Variants in MGAT5 observed in about 807,000 individuals in gnomAD.
MGAT5 encodes alpha-1,6-mannosylglycoprotein 6-beta-N-acetylglucosaminyltransferase A.
Under a neutral mutation model 94.3 loss-of-function variants are expected in MGAT5, and 30 were observed. That is an observed-to-expected ratio of 0.32 (90% CI 0.24 to 0.43). The LOEUF (loss-of-function observed/expected upper bound fraction) is 0.43. Among genes scored for constraint, MGAT5 ranks in the 20% least tolerant of loss-of-function variants. MGAT5 has a pLI of 1.00. For synonymous variants in MGAT5, 310 were observed against 322.9 expected, an observed-to-expected ratio of 0.96 and a Z score of 0.43; for missense variants, 691 against 905.5, an observed-to-expected ratio of 0.76 and a Z score of 3.04.
chr2:134,355,696 T>C (rs776883629), intron 9 of MGAT5, among the ~76,000 whole-genome samples: 5 of 152,228 alleles, frequency 3.3e-5, no homozygotes, highest in Non-Finnish European at 5.9e-5. Flanking sequence ...GCTCTAAAAT[T>C]GATGACTTGC....
At chr2:134,185,375 T>C (rs917459398) in intron 1 of MGAT5, among the ~76,000 whole-genome samples, 4 of 152,206 alleles carry the variant, frequency 2.6e-5, no homozygotes, top group Non-Finnish European at 5.9e-5. Context: ...GATGAAAGTG[T>C]TCGTGTCTCA....
chr2:134,422,730 A>T, intron 12 of MGAT5, 73 bp from the exon 13 acceptor site: 2 of 1,098,918 alleles, frequency 1.8e-6, no homozygotes, highest in South Asian at 1.3e-5. Context: ...TACCATAAAA[A>T]GCATAGCACT....
intron 1 of MGAT5, among the ~76,000 whole-genome samples, chr2:134,145,453 G>A (rs1354101559): frequency 1.3e-5 from 2 of 152,204 alleles, no homozygotes; most frequent in Non-Finnish European, 2.9e-5. Context: ...GGCCGAGGCA[G>A]GAGAATTGCT....
chr2:134,341,164 C>G (rs1186325907), intron 6 of MGAT5, among the ~76,000 whole-genome samples: 2 of 152,130 alleles, frequency 1.3e-5, no homozygotes, highest in Non-Finnish European at 2.9e-5. Context: ...TGAAGCTACA[C>G]AGTAATTACT....
At chr2:134,386,112 G>C (rs917150947) in intron 10 of MGAT5, among the ~76,000 whole-genome samples, 1 of 152,168 alleles carries the variant, frequency 6.6e-6, no homozygotes, top group Non-Finnish European at 1.5e-5. Context: ...TTGATGCAGA[G>C]TAAAATAATG....
rs185995935 is a variant in MGAT5 at position 134,311,756 on chromosome 2, T to C, written c.407-5773T>C. Among the ~76,000 whole-genome samples, 515 of 140,894 alleles carry C rather than the reference T, an allele frequency of 3.7e-3. 7 individuals carry two copies. Among genetic ancestry groups the C allele is most frequent in the Middle Eastern group, 0.018 (5 of 282 alleles). 92.4% of individuals were successfully genotyped at this position (140,894 alleles called of 152,430 possible). ...AGTGAGGAGTGGTTATTAAAAACTTTGTTTGTAGTAAGTGAATGTTTTATG... is the reference window on the plus strand; with the variant it reads ...AGTGAGGAGTGGTTATTAAAAACTTCGTTTGTAGTAAGTGAATGTTTTATG... On this transcript the variant is annotated intron_variant, in intron 2 of 15. Coordinates refer to ENST00000281923, the MANE Select transcript of MGAT5 (RefSeq NM_002410.5).
At chr2:134,361,034 T>C (rs1383086622) in intron 9 of MGAT5, among the ~76,000 whole-genome samples, 2 of 152,232 alleles carry the variant, frequency 1.3e-5, no homozygotes, top group East Asian at 3.8e-4. Flanking sequence ...CCTGCGTGCA[T>C]GGCGGGCGAC....
chr2:134,416,803 C>T lies in MGAT5; in HGVS notation c.1677+3788C>T, dbSNP rs1444288684. Among the ~76,000 whole-genome samples the T allele has an allele frequency of 9.0e-5, 13 of 144,356 alleles. No individual in the cohort carries two copies. The Admixed American group carries it at 9.1e-4, about 10-fold the overall frequency. 94.7% of individuals were successfully genotyped at this position (144,356 alleles called of 152,430 possible). A position where few individuals can be genotyped will look rare whatever the true frequency, so the allele number is the denominator to read the frequency against. Reference sequence around the variant, plus strand: ...TTTTTTTGCAGAAACAAAGGTCTTACTATGTTGCTTAGGCTGGTCTCCAAC... The same window carrying T: ...TTTTTTTGCAGAAACAAAGGTCTTATTATGTTGCTTAGGCTGGTCTCCAAC... On this transcript the variant is annotated intron_variant, in intron 12 of 15. Transcript: ENST00000281923.
chr2:134,230,949 T>A (rs2105394158), intron 1 of MGAT5, among the ~76,000 whole-genome samples: 1 of 152,320 alleles, frequency 6.6e-6, no homozygotes, highest in South Asian at 2.1e-4. Flanking sequence ...TGGAATATTG[T>A]TTGGCTGTAA....
At chr2:134,413,039 C>T in intron 12 of MGAT5, 24 bp downstream of exon 12, 1 of 1,610,460 alleles carries the variant, frequency 6.2e-7, no homozygotes, top group South Asian at 1.1e-5. Context: ...AAAATTATTC[C>T]ATTTTGAATA....
chr2:134,166,633 A>G (rs764754266), intron 1 of MGAT5, among the ~76,000 whole-genome samples: 1 of 152,238 alleles, frequency 6.6e-6, no homozygotes, highest in African/African-American at 2.4e-5. Context: ...GGTATTCACA[A>G]TTCATCAGGA....
At chr2:134,304,125 T>A (rs2105837499) in intron 2 of MGAT5, among the ~76,000 whole-genome samples, 1 of 152,306 alleles carries the variant, frequency 6.6e-6, no homozygotes, top group Non-Finnish European at 1.5e-5. Flanking sequence ...CTTACACAGG[T>A]AGTGTAGTTT....
rs376889958 is a variant in MGAT5, at chr2:134,432,740, T to C, written c.1869+4301T>C. Among the ~76,000 whole-genome samples the C allele has an allele frequency of 2.5e-4, 38 of 152,354 alleles. No homozygotes were observed. The East Asian group carries it at 6.7e-3, about 27-fold the overall frequency. On this transcript the variant is annotated intron_variant, in intron 14 of 15. Coordinates refer to ENST00000281923, the MANE Select transcript of MGAT5 (RefSeq NM_002410.5). ...CCTTGGGCAAGTTACCTAACATCTC[T>C]ATGCTCTTTCCTCTTCTGAGAAATA... is the stretch of plus-strand genomic sequence containing the variant.
chr2:134,183,714 A>T (rs920025690), intron 1 of MGAT5, among the ~76,000 whole-genome samples: 5 of 152,172 alleles, frequency 3.3e-5, no homozygotes, highest in Admixed American at 6.5e-5. Context: ...TATTATTTTT[A>T]AAAAATAGGC....
chr2:134,151,674 G>T, intron 1 of MGAT5, among the ~76,000 whole-genome samples: 1 of 90,092 alleles, frequency 1.1e-5, no homozygotes. Flanking sequence ...ATGCCCTGTG[G>T]GACCCACTCA....
chr2:134,322,855 GA>G, intron 4 of MGAT5, among the ~76,000 whole-genome samples: 1 of 152,248 alleles, frequency 6.6e-6, no homozygotes, highest in East Asian at 1.9e-4. Flanking sequence ...TTGTTAATGT[GA>G]TCAACACATG....
At chr2:134,180,066 T>C in intron 1 of MGAT5, among the ~76,000 whole-genome samples, 1 of 152,210 alleles carries the variant, frequency 6.6e-6, no homozygotes, top group Non-Finnish European at 1.5e-5. Context: ...TTATCCTATA[T>C]GGTCTAAAAG....
At position 134,270,505 on chromosome 2, in the gene MGAT5, A is replaced by G. The variant is rs758183170; in HGVS notation, c.361A>G (p.Thr121Ala). 1.9e-6 allele frequency: 3 copies of G among 1,614,078 alleles called. No individual in the cohort carries two copies. The highest frequency in any genetic ancestry group is 2.5e-6 in the Non-Finnish European group (3 of 1,180,030). Reference protein sequence around the residue: ...GTGTNSTNSTTAVPSLVALEK... With the variant: ...GTGTNSTNSTAAVPSLVALEK... ...CGGAACAAACTCAACCAACTCCACT[A>G]CAGCTGTTCCCAGCTTGGTTGCACT... Residue 121 changes from threonine to alanine, a missense_variant, in exon 2 of 16, where the codon ACA becomes GCA. Thr to Ala is a moderately conservative substitution (Grantham distance 58). This residue lies in a region of MGAT5 where 307 missense variants were observed against 335.4 expected (regional missense o/e 0.92). Coordinates refer to ENST00000281923, the MANE Select transcript of MGAT5 (RefSeq NM_002410.5).
chr2:134,199,231 A>G (rs1469886813), intron 1 of MGAT5, among the ~76,000 whole-genome samples: 4 of 152,120 alleles, frequency 2.6e-5, no homozygotes, highest in African/African-American at 9.7e-5. Flanking sequence ...TTAATTGCAC[A>G]TCTTTGCCTC....
Sources: gnomAD v4.1 joint callset for allele counts (sites outside exome capture counted in the v4.1 genomes callset) on GRCh38, gnomAD v4.1.1 for gene constraint, gnomAD v4.1.1 regional missense constraint, MANE v1.5 for transcripts, NCBI Gene and HGNC (gene_info 2026-07-23, HGNC 2026-07-21) for gene names.